The following GSE1 variants were observed in gnomAD, a reference collection of about 807,000 sequenced individuals.
GSE1 encodes the protein Gse1 coiled-coil protein.
Under a neutral mutation model 112.6 loss-of-function variants are expected in GSE1, and 32 were observed. That is an observed-to-expected ratio of 0.28 (90% CI 0.21 to 0.38). The LOEUF is 0.38. Ranked by LOEUF, GSE1 falls within the 10% of genes least tolerant of loss-of-function variation. The pLI is 1.00. For synonymous variants in GSE1, 1,115 were observed against 735.6 expected, an observed-to-expected ratio of 1.52 and a Z score of -8.35; for missense variants, 2,348 against 1,699.2, an observed-to-expected ratio of 1.38 and a Z score of -6.71.
intron 1 of GSE1, among the ~76,000 whole-genome samples, chr16:85,310,527 C>T (rs544552785): frequency 1.4e-3 from 216 of 151,378 alleles, no homozygotes; most frequent in African/African-American, 5.1e-3. Context: ...CTCCCACCTC[C>T]TCCTTCTCCC....
chr16:85,640,422 C>A (rs369966787), intron 2 of GSE1, among the ~76,000 whole-genome samples: 1 of 152,244 alleles, frequency 6.6e-6, no homozygotes. Flanking sequence ...GCTGGAACTG[C>A]TCTCTTGTCA....
intron 1 of GSE1, among the ~76,000 whole-genome samples, chr16:85,295,521 A>C (rs2151449244): frequency 6.6e-6 from 1 of 152,286 alleles, no homozygotes; most frequent in Non-Finnish European, 1.5e-5. Context: ...TCCATGCAGA[A>C]GGTCTTGTGT....
At chr16:85,574,878 G>T (rs958434982) in intron 1 of GSE1, among the ~76,000 whole-genome samples, 2 of 152,170 alleles carry the variant, frequency 1.3e-5, no homozygotes, top group African/African-American at 4.8e-5. Flanking sequence ...TGGTTATATT[G>T]GGATCTGCGC....
chr16:85,236,154 C>T (rs1368232331), intron 1 of GSE1, among the ~76,000 whole-genome samples: 1 of 152,116 alleles, frequency 6.6e-6, no homozygotes, highest in African/African-American at 2.4e-5. Context: ...AGAGGGCGGC[C>T]GGGCTCGGGT....
intron 13 of GSE1, 86 bp downstream of exon 13, chr16:85,666,433 C>G: frequency 1.6e-6 from 2 of 1,287,092 alleles, no homozygotes; most frequent in Non-Finnish European, 2.2e-6. Flanking sequence ...CTCAGCCGTT[C>G]AGCCGTGGGC....
chr16:85,452,294 A>T (rs1031999692), intron 2 of GSE1, among the ~76,000 whole-genome samples: 12 of 152,174 alleles, frequency 7.9e-5, no homozygotes, highest in Non-Finnish European at 8.8e-5. Context: ...TTATTTACCC[A>T]ACCCTCATGA....
intron 2 of GSE1, among the ~76,000 whole-genome samples, chr16:85,640,201 T>C (rs1279823687): frequency 6.6e-6 from 1 of 152,044 alleles, no homozygotes; most frequent in South Asian, 2.1e-4. Context: ...CCCGCCTCCT[T>C]GTCACCAGCC....
intron 1 of GSE1, among the ~76,000 whole-genome samples, chr16:85,561,417 T>A (rs2045516472): frequency 6.6e-6 from 1 of 152,018 alleles, no homozygotes; most frequent in Non-Finnish European, 1.5e-5. Context: ...AGCGGCGCCC[T>A]CCGAGCCCCT....
At chr16:85,404,316 C>T (rs1457673367) in intron 2 of GSE1, among the ~76,000 whole-genome samples, 1 of 84,198 alleles carries the variant, frequency 1.2e-5, no homozygotes, top group African/African-American at 5.4e-5. Flanking sequence ...ATAATCCTCA[C>T]TCTTACACTC....
intron 2 of GSE1, among the ~76,000 whole-genome samples, chr16:85,472,660 C>T (rs375530740): frequency 6.6e-6 from 1 of 152,258 alleles, no homozygotes; most frequent in Admixed American, 6.5e-5. Context: ...TGGCCTCCCC[C>T]TGTTGGAGCC....
intron 1 of GSE1, among the ~76,000 whole-genome samples, chr16:85,235,063 G>A (rs528949134): frequency 1.3e-5 from 2 of 152,118 alleles, no homozygotes; most frequent in South Asian, 4.1e-4. Flanking sequence ...AGATGGGGGC[G>A]GGGTGTTCCT....
intron 2 of GSE1, among the ~76,000 whole-genome samples, chr16:85,538,627 TG>T (rs995448151): frequency 1.3e-5 from 2 of 152,140 alleles, no homozygotes; most frequent in Non-Finnish European, 1.5e-5. Context: ...GTGGTTTCAC[TG>T]GGGACTTGCC....
intron 2 of GSE1, among the ~76,000 whole-genome samples, chr16:85,411,763 A>G (rs145388012): frequency 1.1e-3 from 28 of 25,352 alleles, no homozygotes; most frequent in Non-Finnish European, 1.6e-3. Context: ...CCTCACCGTT[A>G]CACTCAGGGC....
intron 2 of GSE1, among the ~76,000 whole-genome samples, chr16:85,369,959 C>A (rs2047260349): frequency 6.6e-6 from 1 of 152,202 alleles, no homozygotes; most frequent in South Asian, 2.1e-4. Flanking sequence ...CGGGTCAGTC[C>A]CCTCCTTGGG....
intron 1 of GSE1, among the ~76,000 whole-genome samples, chr16:85,320,946 A>G (rs2046094450): frequency 6.6e-6 from 1 of 152,110 alleles, no homozygotes; most frequent in Non-Finnish European, 1.5e-5. Context: ...GAGTCTACTC[A>G]CATGACCTCC....
At chr16:85,374,883 C>T (rs573316063) in intron 2 of GSE1, among the ~76,000 whole-genome samples, 24 of 152,296 alleles carry the variant, frequency 1.6e-4, no homozygotes, top group African/African-American at 3.1e-4. Context: ...TCCTTCCTCT[C>T]GTCACTCCTC....
chr16:85,418,498 G>A (rs2048753970), intron 2 of GSE1, among the ~76,000 whole-genome samples: 1 of 152,180 alleles, frequency 6.6e-6, no homozygotes, highest in African/African-American at 2.4e-5. Flanking sequence ...CCTCCAGGAA[G>A]CCCTCTCTGA....
intron 1 of GSE1, among the ~76,000 whole-genome samples, chr16:85,257,486 T>C (rs551147717): frequency 6.6e-6 from 1 of 152,320 alleles, no homozygotes; most frequent in East Asian, 1.9e-4. Context: ...CCGGAGCACA[T>C]AGCGCGAGGA....
At chr16:85,606,871 C>T (rs966835234), upstream of GSE1, among the ~76,000 whole-genome samples, 1 of 152,232 alleles carries the variant, frequency 6.6e-6, no homozygotes, top group African/African-American at 2.4e-5. Flanking sequence ...TCTCTGCCCC[C>T]CATCAAGGGT....
Sources: gnomAD v4.1 joint callset for allele counts (sites outside exome capture counted in the v4.1 genomes callset) on GRCh38, gnomAD v4.1.1 for gene constraint, MANE v1.5 for transcripts, NCBI Gene and HGNC (gene_info 2026-07-23, HGNC 2026-07-21) for gene names.